The following MSH4 variants were observed in gnomAD, a reference collection of about 807,000 sequenced individuals.
MSH4 encodes mutS protein homolog 4.
In MSH4, 106 loss-of-function variants were observed where a neutral mutation model predicts 113.7. That is an observed-to-expected ratio of 0.93 (90% CI 0.80 to 1.10). The LOEUF (loss-of-function observed/expected upper bound fraction) is 1.10, where lower values mean the gene tolerates loss of function less well. MSH4 is among the 50% of genes least tolerant of loss of function. The pLI, the probability that MSH4 is intolerant of heterozygous loss-of-function variation, is 0.00. For missense variants in MSH4, 1,061 were observed against 1,093.7 expected (o/e 0.97, Z 0.42); for synonymous variants, 368 against 380.2 (o/e 0.97, Z 0.37).
intron 19 of MSH4, among the ~76,000 whole-genome samples, chr1:75,908,835 G>C (rs796711477): frequency 1.4e-4 from 22 of 152,238 alleles, no homozygotes; most frequent in African/African-American, 5.1e-4. Context: ...AATTTCCTCA[G>C]CTCTGGCAAA....
At chr1:75,830,331 A>T (rs1341853633) in intron 7 of MSH4, among the ~76,000 whole-genome samples, 4 of 152,200 alleles carry the variant, frequency 2.6e-5, no homozygotes. Context: ...CCTAAAAGTG[A>T]CGGGGAGAAT....
intron 15 of MSH4, among the ~76,000 whole-genome samples, chr1:75,885,053 G>A (rs566899013): frequency 0.11 from 11,372 of 101,888 alleles, 668 homozygotes; most frequent in East Asian, 0.24. Flanking sequence ...GTGTGTGTGT[G>A]TGTGTGTATA....
At chr1:75,908,660 A>G (rs1268009896) in intron 19 of MSH4, among the ~76,000 whole-genome samples, 1 of 152,050 alleles carries the variant, frequency 6.6e-6, no homozygotes, top group African/African-American at 2.4e-5. Flanking sequence ...CCTTGTGGAT[A>G]TATATCTATG....
chr1:75,836,785 T>C (rs17097634), intron 7 of MSH4, among the ~76,000 whole-genome samples: 38,351 of 152,176 alleles, frequency 0.25, 6,251 homozygotes, highest in East Asian at 0.68. Flanking sequence ...GTCTTTTAAA[T>C]ATACTTCTCT....
intron 9 of MSH4, among the ~76,000 whole-genome samples, chr1:75,873,202 G>GCA (rs911473550): frequency 4.6e-5 from 7 of 152,106 alleles, no homozygotes; most frequent in African/African-American, 1.7e-4. Context: ...CATGCTCACT[G>GCA]CAGGGAATCT....
intron 15 of MSH4, among the ~76,000 whole-genome samples, chr1:75,884,672 C>G (rs1652020890): frequency 1.3e-5 from 2 of 151,746 alleles, no homozygotes; most frequent in Non-Finnish European, 2.9e-5. Flanking sequence ...TTTATTGAGC[C>G]CAAGATACTA....
chr1:75,889,302 T>A lies in MSH4; in HGVS notation c.2159T>A (p.Phe720Tyr). 1 of 1,541,636 alleles carries A rather than the reference T, an allele frequency of 6.5e-7. No homozygotes were observed. The highest frequency in any genetic ancestry group is 8.9e-7 in the Non-Finnish European group (1 of 1,126,722). ...TCCTTTAGAATTGCTAAACAGATTT[T>A]TACAAGAATTAGTACTGATGATGAT... ...YSSFRIAKQI[F>Y]TRISTDDDIE... Residue 720 changes from phenylalanine to tyrosine, a missense_variant, in exon 16 of 20, where the codon TTT (phenylalanine) becomes TAT (tyrosine). Coordinates refer to ENST00000263187, the MANE Select transcript of MSH4 (RefSeq NM_002440.4).
chr1:75,796,960 T>G lies in MSH4; in HGVS notation c.-26T>G. The G allele has an allele frequency of 6.2e-7, 1 of 1,612,926 alleles. No homozygotes were observed. Among genetic ancestry groups the G allele is most frequent in the Non-Finnish European group, 8.5e-7 (1 of 1,179,432 alleles). On this transcript the variant is annotated 5_prime_UTR_variant, in exon 1 of 20. Coordinates refer to ENST00000263187, the MANE Select transcript of MSH4 (RefSeq NM_002440.4). ...AGGGGTCGCTCAGAAACCTCATACTTCTCGGGTCAGGGAAGGTTTGGGAGG... is the reference window on the plus strand; with the variant it reads ...AGGGGTCGCTCAGAAACCTCATACTGCTCGGGTCAGGGAAGGTTTGGGAGG...
intron 8 of MSH4, among the ~76,000 whole-genome samples, chr1:75,852,145 A>G (rs1225104107): frequency 1.3e-5 from 2 of 152,222 alleles, no homozygotes; most frequent in Non-Finnish European, 2.9e-5. Context: ...ATGTACAGGT[A>G]GTCTTTTGTG....
intron 8 of MSH4, among the ~76,000 whole-genome samples, chr1:75,859,576 G>T (rs180939448): frequency 6.6e-6 from 1 of 152,316 alleles, no homozygotes; most frequent in East Asian, 1.9e-4. Context: ...GTGGTTTTGA[G>T]TGAGTCTCTT....
At chr1:75,879,898 A>C (rs1484369133) in intron 12 of MSH4, 152 bp from the exon 13 acceptor site, 3 of 575,376 alleles carry the variant, frequency 5.2e-6, no homozygotes, top group Non-Finnish European at 6.2e-6. Flanking sequence ...TACCTCTTAC[A>C]TTTCACAAAT....
rs749917389 is a variant in MSH4 at position 75,806,998 on chromosome 1, A to T, written c.445A>T (p.Ile149Phe). 2 of 1,574,122 alleles carry T rather than the reference A, an allele frequency of 1.3e-6. No homozygotes were observed. Among genetic ancestry groups the T allele is most frequent in the Non-Finnish European group, 8.6e-7 (1 of 1,167,564 alleles). ...VGYSASSSSA[I>F]SAHSPSVIVA... Reference sequence around the variant, plus strand: ...ATTTACAGCTTCATCCTCATCTGCGATTTCTGCACACTCCCCATCAGTTAT... The same window carrying T: ...ATTTACAGCTTCATCCTCATCTGCGTTTTCTGCACACTCCCCATCAGTTAT... The change falls in exon 3 of 20, where the codon ATT becomes TTT. Residue 149 changes from isoleucine to phenylalanine, a missense_variant. Physicochemically the swap from Ile to Phe is conservative, Grantham distance 21. Coordinates refer to ENST00000263187, the MANE Select transcript of MSH4 (RefSeq NM_002440.4).
chr1:75,814,906 T>A, intron 4 of MSH4, 115 bp from the exon 5 acceptor site: 1 of 634,850 alleles, frequency 1.6e-6, no homozygotes, highest in South Asian at 1.9e-5. Flanking sequence ...CTTATTTAAA[T>A]GTTGAAATTT....
At chr1:75,883,897 C>T in intron 15 of MSH4, 76 bp downstream of exon 15, 1 of 1,239,814 alleles carries the variant, frequency 8.1e-7, no homozygotes, top group Non-Finnish European at 1.1e-6. Context: ...TTTTTAGGGC[C>T]ATGTGCCTAA....
At chr1:75,834,901 AC>A (rs1290690479) in intron 7 of MSH4, among the ~76,000 whole-genome samples, 1 of 152,244 alleles carries the variant, frequency 6.6e-6, no homozygotes, top group Non-Finnish European at 1.5e-5. Flanking sequence ...GTGCACATGT[AC>A]CCTAGAACTT....
Position 75,878,154 on chromosome 1 carries a change from G to A in MSH4, c.1376G>A (p.Gly459Glu). The A allele has an allele frequency of 6.3e-7, 1 of 1,585,234 alleles. No individual in the cohort carries two copies. Among genetic ancestry groups the A allele is most frequent in the Non-Finnish European group, 8.6e-7 (1 of 1,167,736 alleles). The change falls in exon 11 of 20, where the codon GGA (glycine) becomes GAA (glutamate). Residue 459 changes from glycine (G) to glutamate (E), a missense_variant. Coordinates refer to ENST00000263187, the MANE Select transcript of MSH4 (RefSeq NM_002440.4). ...YYGSLEDKRF[G>E]IILEKIKTVI... is the part of the protein sequence containing the mutation. ...TCTTTTGGCCTTAATATTAGGTTTG[G>A]AATCATACTTGAAAAGATTAAAACA...
chr1:75,890,971 A>T (rs1257174349), intron 17 of MSH4, 147 bp downstream of exon 17: 1 of 691,594 alleles, frequency 1.4e-6, no homozygotes, highest in Non-Finnish European at 2.1e-6. Flanking sequence ...TTGTTCCTTC[A>T]TTTCCAATGA....
At position 75,897,828 on chromosome 1, in the gene MSH4, T is replaced by G. The variant is rs1001147774; in HGVS notation, c.2356-79T>G. On this transcript the variant is annotated intron_variant, in intron 17 of 19. Transcript: ENST00000263187. ...GCTACTTAGAAAATTAAACTAAAAT[T>G]TTATGTTCACATAGTTAAAATAGAA... 5 of 956,776 alleles carry G rather than the reference T, an allele frequency of 5.2e-6. No individual in the cohort carries two copies. In the East Asian group the frequency reaches 1.6e-4, roughly 31 times the overall value. 59.3% of individuals were successfully genotyped at this position (956,776 alleles called of 1,614,324 possible). A position where few individuals can be genotyped will look rare whatever the true frequency, so the allele number is the denominator to read the frequency against.
intron 2 of MSH4, among the ~76,000 whole-genome samples, chr1:75,806,672 G>A (rs1144331): frequency 0.87 from 131,602 of 152,074 alleles, 57,171 homozygotes; most frequent in South Asian, 0.94. Context: ...GGACAGCCTT[G>A]CCACCTGTAC....
Sources: allele counts gnomAD v4.1 joint callset (sites outside exome capture counted in the v4.1 genomes callset), GRCh38; gene constraint gnomAD v4.1.1; transcripts MANE v1.5; gene names NCBI Gene and HGNC (gene_info 2026-07-23, HGNC 2026-07-21).